ZBTB20: variants seen among roughly 807,000 people sequenced by gnomAD.
ZBTB20 encodes the protein zinc finger and BTB domain-containing protein 20.
A neutral mutation model predicts 56.9 loss-of-function variants in ZBTB20; 9 were observed. That is an observed-to-expected ratio of 0.16 (90% CI 0.10 to 0.28). ZBTB20 has a LOEUF of 0.28. Ranked by LOEUF, ZBTB20 falls within the 10% of genes least tolerant of loss-of-function variation. ZBTB20 has a pLI of 1.00. For synonymous variants in ZBTB20, 417 were observed against 420.7 expected, an observed-to-expected ratio of 0.99 and a Z score of 0.11; for missense variants, 655 against 1,003.0, an observed-to-expected ratio of 0.65 and a Z score of 4.69.
chr3:115,032,761 C>T (rs1267790310), intron 2 of ZBTB20, among the ~76,000 whole-genome samples: 2 of 150,914 alleles, frequency 1.3e-5, no homozygotes, highest in Non-Finnish European at 3.0e-5. Context: ...GCAACATACT[C>T]TTAAACAAAG....
At chr3:114,956,313 C>G (rs954275544) in intron 3 of ZBTB20, among the ~76,000 whole-genome samples, 3 of 152,144 alleles carry the variant, frequency 2.0e-5, no homozygotes, top group Non-Finnish European at 4.4e-5. Context: ...CAATAACCCA[C>G]AAACAAGGAA....
intron 8 of ZBTB20, among the ~76,000 whole-genome samples, chr3:114,381,583 A>T (rs1360648562): frequency 6.6e-6 from 1 of 152,170 alleles, no homozygotes; most frequent in South Asian, 2.1e-4. Context: ...CATTTATTTT[A>T]TTTGTAGAAG....
intron 6 of ZBTB20, among the ~76,000 whole-genome samples, chr3:114,626,091 C>T (rs557370040): frequency 3.9e-5 from 6 of 152,208 alleles, no homozygotes; most frequent in Admixed American, 6.5e-5. Context: ...CAACAGACTT[C>T]GGGAACACGA....
At chr3:114,352,056 G>A (rs1234059592) in intron 10 of ZBTB20, 178 bp from the exon 11 acceptor site, 1 of 800,360 alleles carries the variant, frequency 1.2e-6, no homozygotes, top group Non-Finnish European at 1.9e-6. Flanking sequence ...ATGACCTGAG[G>A]GAAAAGGACC....
intron 7 of ZBTB20, among the ~76,000 whole-genome samples, chr3:114,465,529 A>C (rs1243208328): frequency 6.6e-6 from 1 of 152,096 alleles, no homozygotes; most frequent in Non-Finnish European, 1.5e-5. Context: ...CAATATGATG[A>C]AACCCCGTTT....
intron 1 of ZBTB20, among the ~76,000 whole-genome samples, chr3:115,146,949 C>T (rs1403484760): frequency 2.0e-5 from 3 of 151,052 alleles, no homozygotes; most frequent in Non-Finnish European, 3.0e-5. Flanking sequence ...TCGGGCGAGG[C>T]AGCCGCCGGG....
chr3:114,864,413 A>T (rs1250525583), intron 4 of ZBTB20, among the ~76,000 whole-genome samples: 1 of 152,002 alleles, frequency 6.6e-6, no homozygotes, highest in South Asian at 2.1e-4. Flanking sequence ...TGGTTTCCAG[A>T]TTCAATTATA....
chr3:114,338,342 T>G lies in ZBTB20; in HGVS notation c.*663A>C, dbSNP rs777586816. 2 of 152,172 alleles carry G rather than the reference T, an allele frequency of 1.3e-5. No individual in the cohort carries two copies. Among genetic ancestry groups the G allele is most frequent in the Non-Finnish European group, 2.9e-5 (2 of 68,062 alleles). The allele number at this position is 152,172 out of a possible 1,614,324, so 9.4% of individuals were successfully genotyped here. On this transcript the variant is annotated 3_prime_UTR_variant, in exon 12 of 12. Coordinates refer to ENST00000675478, the MANE Select transcript of ZBTB20 (RefSeq NM_001348800.3). Reference sequence around the variant, plus strand: ...TATGGAGAAGGTGGGCCAGGGTGTGTGGACCCGGGCAGAATCTGGGGAAGA... The same window carrying G: ...TATGGAGAAGGTGGGCCAGGGTGTGGGGACCCGGGCAGAATCTGGGGAAGA...
intron 10 of ZBTB20, among the ~76,000 whole-genome samples, chr3:114,353,808 G>A (rs964137614): frequency 2.6e-5 from 4 of 152,168 alleles, no homozygotes; most frequent in Non-Finnish European, 4.4e-5. Flanking sequence ...CAGCAACCAT[G>A]GGAAGTAGAT....
At position 114,393,545 on chromosome 3, in the gene ZBTB20, C is replaced by A. The variant is rs1008019339; in HGVS notation, c.-254-4440G>T. Among the ~76,000 whole-genome samples, 6 of 152,126 alleles carry A rather than the reference C, an allele frequency of 3.9e-5. No individual in the cohort carries two copies. In the East Asian group the frequency reaches 9.6e-4, roughly 24 times the overall value. ...CTTTCCCCTTTTGCCTTAGTACACA[C>A]CTGAGCGTCTATTAATCAGAACCAC... On this transcript the variant is annotated intron_variant, in intron 7 of 11. Transcript: ENST00000675478.
chr3:114,380,075 T>G, intron 10 of ZBTB20, 142 bp downstream of exon 10: 1 of 906,482 alleles, frequency 1.1e-6, no homozygotes, highest in Non-Finnish European at 1.6e-6. Context: ...ATTGGCTGAA[T>G]GAAAATGGTG....
intron 4 of ZBTB20, among the ~76,000 whole-genome samples, chr3:114,838,475 A>G (rs1009975827): frequency 6.6e-6 from 1 of 152,158 alleles, no homozygotes; most frequent in Non-Finnish European, 1.5e-5. Context: ...TGCATTTGCA[A>G]TCTCCACAAT....
chr3:114,431,118 C>T (rs765385014), intron 7 of ZBTB20, among the ~76,000 whole-genome samples: 19 of 151,810 alleles, frequency 1.3e-4, no homozygotes, highest in South Asian at 1.3e-3. Context: ...GAAAAGAAAA[C>T]GAAAAACAGA....
At chr3:114,371,669 A>G (rs1016720603) in intron 10 of ZBTB20, among the ~76,000 whole-genome samples, 1 of 152,226 alleles carries the variant, frequency 6.6e-6, no homozygotes, top group East Asian at 1.9e-4. Context: ...AAGTTTGTCC[A>G]GAAGCAGACT....
At chr3:114,842,093 G>C (rs370427775) in intron 4 of ZBTB20, among the ~76,000 whole-genome samples, 1 of 152,122 alleles carries the variant, frequency 6.6e-6, no homozygotes, top group African/African-American at 2.4e-5. Context: ...GTGGGCAACA[G>C]GACTTCTTGA....
At chr3:114,393,865 GTCACT>G (rs1553700572) in intron 7 of ZBTB20, among the ~76,000 whole-genome samples, 1 of 152,120 alleles carries the variant, frequency 6.6e-6, no homozygotes, top group Non-Finnish European at 1.5e-5. Context: ...CAGACAGTAG[GTCACT>G]TCTCTACAGC....
chr3:114,908,471 C>T (rs1189197237), intron 3 of ZBTB20, among the ~76,000 whole-genome samples: 3 of 151,954 alleles, frequency 2.0e-5, no homozygotes, highest in Non-Finnish European at 4.4e-5. Context: ...CTGAGAATGG[C>T]AACCTCCTAA....
chr3:114,640,212 G>C (rs1478892613), intron 6 of ZBTB20, among the ~76,000 whole-genome samples: 3 of 152,018 alleles, frequency 2.0e-5, no homozygotes, highest in Non-Finnish European at 4.4e-5. Flanking sequence ...TGGTCCAACA[G>C]TTTGGGCTGT....
chr3:115,126,714 A>G (rs1480464065), intron 1 of ZBTB20, among the ~76,000 whole-genome samples: 2 of 152,204 alleles, frequency 1.3e-5, no homozygotes, highest in African/African-American at 4.8e-5. Flanking sequence ...TAAGTGGTAA[A>G]GCTGTATTAT....
Sources: gnomAD v4.1 joint callset for allele counts (sites outside exome capture counted in the v4.1 genomes callset) on GRCh38, gnomAD v4.1.1 for gene constraint, MANE v1.5 for transcripts, NCBI Gene and HGNC (gene_info 2026-07-23, HGNC 2026-07-21) for gene names.